Variants in FANCM observed in about 807,000 individuals in gnomAD.
The protein encoded by FANCM is Fanconi anemia group M protein.
Under a neutral mutation model 199.5 loss-of-function variants are expected in FANCM, and 140 were observed. That is an observed-to-expected ratio of 0.70 (90% CI 0.61 to 0.81). The LOEUF (loss-of-function observed/expected upper bound fraction) is 0.81. Among genes scored for constraint, FANCM ranks in the 30% least tolerant of loss-of-function variants. The probability of loss-of-function intolerance (pLI) is 0.00; values close to 1 mark genes in which losing one functional copy is unlikely to be tolerated. For missense variants in FANCM, 2,410 were observed against 2,421.4 expected (o/e 1.00, Z 0.10); for synonymous variants, 840 against 836.8 (o/e 1.00, Z -0.07).
rs1453404140 is a variant in FANCM at position 45,175,367 on chromosome 14, T to G, written c.2613T>G (p.Asn871Lys). The stretch of plus-strand genomic sequence containing the variant: ...AAGATCAGCTTAAAAAAGAAAATAA[T>G]CACGGTATTATAGATTCTGTAGATA... ...IKKDQLKKEN[N>K]HGIIDSVDND... is the part of the protein sequence containing the mutation. The change falls in exon 14 of 23, where the codon AAT becomes AAG. Residue 871 changes from asparagine to lysine, a missense_variant. Asn to Lys is a moderately conservative substitution (Grantham distance 94). Coordinates refer to ENST00000267430, the MANE Select transcript of FANCM (RefSeq NM_020937.4). 4 of 1,559,926 alleles carry G rather than the reference T, an allele frequency of 2.6e-6. No homozygotes were observed. The highest frequency in any genetic ancestry group is 3.5e-6 in the Non-Finnish European group (4 of 1,151,706).
rs879817577 is a variant in FANCM, at chr14:45,187,719, T to C, written c.4673-62T>C. 2.9e-3 allele frequency: 2,185 copies of C among 763,720 alleles called. 29 individuals are homozygous for C. Among genetic ancestry groups the C allele is most frequent in the Admixed American group, 0.027 (1,298 of 48,868 alleles). The allele number at this position is 763,720 out of a possible 1,614,324, so 47.3% of individuals were successfully genotyped here. On this transcript the variant is annotated intron_variant, in intron 18 of 22. Transcript: ENST00000267430. ...AAATTTGAAATAGATTGAAGTTAAA[T>C]ACTTTACTGGTTTTCATTTAAATAA...
intron 3 of FANCM, among the ~76,000 whole-genome samples, chr14:45,145,650 C>T (rs894674039): frequency 3.3e-5 from 5 of 152,156 alleles, no homozygotes; most frequent in Non-Finnish European, 7.3e-5. Context: ...CCTGGCTGAG[C>T]GTGGTGGCTC....
In FANCM at chr14:45,176,088, G is replaced by A; in HGVS notation, c.3334G>A (p.Gly1112Arg). 1 of 1,613,976 alleles carries A rather than the reference G, an allele frequency of 6.2e-7. No homozygotes were observed. The highest frequency in any genetic ancestry group is 8.5e-7 in the Non-Finnish European group (1 of 1,179,944). ...CAGAAGCCCTGCACAGAATTTAGTTGGAGAGAACAATCATGATGTTGATAA... is the reference window on the plus strand; with the variant it reads ...CAGAAGCCCTGCACAGAATTTAGTTAGAGAGAACAATCATGATGTTGATAA... Reference protein sequence around the residue: ...IHRSPAQNLVGENNHDVDNSD... With the variant: ...IHRSPAQNLVRENNHDVDNSD... The change falls in exon 14 of 23, where the codon GGA (glycine) becomes AGA (arginine). Residue 1112 changes from glycine (G) to arginine (R), a missense_variant. By Grantham distance (125) the Gly-to-Arg change is moderately radical. Coordinates refer to ENST00000267430, the MANE Select transcript of FANCM (RefSeq NM_020937.4).
At chr14:45,199,289 G>A (rs1297546375) in intron 22 of FANCM, among the ~76,000 whole-genome samples, 1 of 152,172 alleles carries the variant, frequency 6.6e-6, no homozygotes, top group African/African-American at 2.4e-5. Context: ...TATATTGCTT[G>A]AAGAGGGAGA....
chr14:45,141,031 G>A (rs561954003), intron 3 of FANCM, among the ~76,000 whole-genome samples: 9 of 152,246 alleles, frequency 5.9e-5, no homozygotes, highest in East Asian at 3.9e-4. Context: ...AGCAAGACCC[G>A]TAATCCCAGC....
chr14:45,148,595 T>G (rs1886594787), intron 3 of FANCM, among the ~76,000 whole-genome samples: 1 of 152,230 alleles, frequency 6.6e-6, no homozygotes, highest in African/African-American at 2.4e-5. Flanking sequence ...AATATTCTTA[T>G]TTCTCGGATG....
At chr14:45,146,123 C>A (rs1242324058) in intron 3 of FANCM, among the ~76,000 whole-genome samples, 1 of 146,268 alleles carries the variant, frequency 6.8e-6, no homozygotes, top group African/African-American at 2.6e-5. Context: ...CACCTGTAGT[C>A]CCAGCTACTC....
At position 45,137,201 on chromosome 14, in the gene FANCM, A is replaced by G; in HGVS notation, c.641A>G (p.Asp214Gly). 2 of 1,613,544 alleles carry G rather than the reference A, an allele frequency of 1.2e-6. No individual in the cohort carries two copies. The highest frequency in any genetic ancestry group is 8.5e-7 in the Non-Finnish European group (1 of 1,179,962). Residue 214 changes from aspartate to glycine, a missense_variant, in exon 2 of 23, where the codon GAT (aspartate) becomes GGT (glycine). Transcript: ENST00000267430. The stretch of plus-strand genomic sequence containing the variant: ...GCTGAAATAAAGTGTTTAGTTATTG[A>G]TGAAGCTCATAAAGCTCTCGGAAAC... ...PAAEIKCLVI[D>G]EAHKALGNYA...
chr14:45,163,886 GGCTTATATTGCTAGTTGGTT>G (rs1446807631), intron 9 of FANCM, among the ~76,000 whole-genome samples: 2 of 152,022 alleles, frequency 1.3e-5, no homozygotes, highest in African/African-American at 4.8e-5. Context: ...AATCTCTTTT[GGCTTATATTGCTAGTTGGTT>G]GCTTCTTTTC....
chr14:45,196,019 G>A (rs1203788575), intron 20 of FANCM, among the ~76,000 whole-genome samples, 153 bp from the exon 21 acceptor site: 1 of 152,136 alleles, frequency 6.6e-6, no homozygotes, highest in Non-Finnish European at 1.5e-5. Context: ...TAAGAGTAGT[G>A]ACTTATGTGT....
intron 4 of FANCM, among the ~76,000 whole-genome samples, 158 bp from the exon 5 acceptor site, chr14:45,151,239 A>G (rs1428557448): frequency 6.6e-6 from 1 of 152,252 alleles, no homozygotes; most frequent in Non-Finnish European, 1.5e-5. Context: ...ATAGATGTCA[A>G]GTAGTTTTAA....
At chr14:45,189,578 TG>T (rs1453604764) in intron 20 of FANCM, among the ~76,000 whole-genome samples, 1 of 152,226 alleles carries the variant, frequency 6.6e-6, no homozygotes, top group African/African-American at 2.4e-5. Context: ...GTTAATGTTT[TG>T]TTAACACTAT....
Position 45,175,352 on chromosome 14 carries a change from TA to T in FANCM, c.2604del (p.Glu869LysfsTer7). ...CTAAAGAAATAAAAAAAGATCAGCT[TA>T]AAAAAGAAAATAATCACGGTATTAT... ...VSKEIKKDQL[K>X]KENNHGIIDS... is the part of the protein sequence containing the mutation. On this transcript the variant is annotated frameshift_variant, in exon 14 of 23. Coordinates refer to ENST00000267430, the MANE Select transcript of FANCM (RefSeq NM_020937.4). LOFTEE classifies it high-confidence loss of function. 1 of 1,559,210 alleles carries T rather than the reference TA, an allele frequency of 6.4e-7. No homozygotes were observed. The highest frequency in any genetic ancestry group is 8.7e-7 in the Non-Finnish European group (1 of 1,151,194).
intron 1 of FANCM, among the ~76,000 whole-genome samples, chr14:45,136,844 T>C (rs1320382340): frequency 6.6e-6 from 1 of 152,204 alleles, no homozygotes; most frequent in Non-Finnish European, 1.5e-5. Context: ...AATATGCCAT[T>C]TTGTAGGAAT....
At position 45,154,688 on chromosome 14, in the gene FANCM, T is replaced by C. The variant is rs2035407892; in HGVS notation, c.1184-9T>C. ...TATTTATTTGAAAACCTTTTCTTAA[T>C]TTCTGAAGGGATGACACGGTCAAAA... On this transcript the variant is annotated splice_polypyrimidine_tract_variant and intron_variant, in intron 6 of 22. Coordinates refer to ENST00000267430, the MANE Select transcript of FANCM (RefSeq NM_020937.4). The C allele has an allele frequency of 6.4e-7, 1 of 1,566,100 alleles. No individual in the cohort carries two copies. The highest frequency in any genetic ancestry group is 8.7e-7 in the Non-Finnish European group (1 of 1,143,292).
At position 45,176,647 on chromosome 14, in the gene FANCM, C is replaced by A; in HGVS notation, c.3893C>A (p.Ser1298Ter). ...ACTAGTGGAACTGTTATTATCCCAT[C>A]AAATGAAGATATGCAGAATCCAAAT... ...NFTSGTVIIPSNEDMQNPNYV... is the reference protein window; with the variant it reads ...NFTSGTVIIP The change falls in exon 14 of 23, where the codon TCA becomes TAA. Residue 1298 changes from serine to a stop codon, truncating the protein, a stop_gained. Transcript: ENST00000267430. LOFTEE classifies it high-confidence loss of function. 6.2e-7 allele frequency: 1 copy of A among 1,613,616 alleles called. No homozygotes were observed. The highest frequency in any genetic ancestry group is 1.1e-5 in the South Asian group (1 of 91,020).
At position 45,173,227 on chromosome 14, in the gene FANCM, A is replaced by G. The variant is rs754156480; in HGVS notation, c.2316+17A>G. On this transcript the variant is annotated intron_variant, in intron 13 of 22. Coordinates refer to ENST00000267430, the MANE Select transcript of FANCM (RefSeq NM_020937.4). ...CACGAAGAGGTGGGGTTTTATTGTA[A>G]CTTTCTCTTGCTGGTATGATAGTAA... 6 of 1,609,490 alleles carry G rather than the reference A, an allele frequency of 3.7e-6. No homozygotes were observed. The highest frequency in any genetic ancestry group is 5.1e-6 in the Non-Finnish European group (6 of 1,175,854).
In FANCM at chr14:45,175,520, G is replaced by A. The variant is rs2139243733; in HGVS notation, c.2766G>A (p.Val922=). The A allele has an allele frequency of 6.2e-7, 1 of 1,612,762 alleles. No homozygotes were observed. The highest frequency in any genetic ancestry group is 8.5e-7 in the Non-Finnish European group (1 of 1,178,952). ...INENVIKEPC[V]LLTECQFTNK... ...AAAATGTTATTAAAGAACCGTGTGT[G>A]TTATTAACAGAGTGTCAGTTTACAA... Residue 922 remains valine (V), a synonymous_variant, in exon 14 of 23, where the codon GTG becomes GTA. Coordinates refer to ENST00000267430, the MANE Select transcript of FANCM (RefSeq NM_020937.4).
intron 2 of FANCM, among the ~76,000 whole-genome samples, 158 bp from the exon 3 acceptor site, chr14:45,140,474 C>T (rs909063473): frequency 6.6e-6 from 1 of 152,192 alleles, no homozygotes; most frequent in Non-Finnish European, 1.5e-5. Context: ...AAATCATTTG[C>T]TCTTCAGATA....
Sources: allele counts gnomAD v4.1 joint callset (sites outside exome capture counted in the v4.1 genomes callset), GRCh38; gene constraint gnomAD v4.1.1; transcripts MANE v1.5; gene names NCBI Gene and HGNC (gene_info 2026-07-23, HGNC 2026-07-21).